Variants in MXI1 observed in about 807,000 individuals in gnomAD.
MXI1 encodes max-interacting protein 1.
In MXI1, 18 loss-of-function variants were observed where a neutral mutation model predicts 36.9. The ratio of observed to expected loss-of-function variants is 0.49; its 90% CI spans 0.34 to 0.72. The LOEUF is 0.72. Among genes scored for constraint, MXI1 ranks in the 30% least tolerant of loss-of-function variants. The pLI, the probability that MXI1 is intolerant of heterozygous loss-of-function variation, is 0.01. For synonymous variants in MXI1, 160 were observed against 146.7 expected (o/e 1.09, Z -0.65); for missense variants, 304 against 379.1 (o/e 0.80, Z 1.64).
intron 2 of MXI1, among the ~76,000 whole-genome samples, chr10:110,236,264 C>T (rs752636107): frequency 1.3e-4 from 19 of 147,072 alleles, no homozygotes; most frequent in African/African-American, 4.3e-4. Context: ...TGACCACAGA[C>T]TTGTGAGCCT....
intron 3 of MXI1, among the ~76,000 whole-genome samples, chr10:110,264,281 A>G (rs1180889925): frequency 1.3e-5 from 2 of 151,990 alleles, no homozygotes; most frequent in Non-Finnish European, 2.9e-5. Context: ...TTCCTGCTGT[A>G]TTGGGCATTG....
intron 1 of MXI1, chr10:110,227,868 T>G (rs1855116010): frequency 3.2e-6 from 1 of 312,134 alleles, no homozygotes; most frequent in Non-Finnish European, 6.1e-6. Context: ...GCAAGCGAAG[T>G]CAATGAGGTG....
chr10:110,227,312 G>A (rs1239491276), intron 1 of MXI1: 3 of 975,558 alleles, frequency 3.1e-6, no homozygotes, highest in East Asian at 2.4e-4. Context: ...GGGCGGGTGC[G>A]GGGAGGGGCG....
intron 3 of MXI1, among the ~76,000 whole-genome samples, chr10:110,246,847 A>G (rs1270225797): frequency 6.6e-6 from 1 of 152,184 alleles, no homozygotes; most frequent in Non-Finnish European, 1.5e-5. Flanking sequence ...TGGATGGATA[A>G]AGGAAGGACA....
intron 1 of MXI1, chr10:110,227,236 G>A (rs1855073050): frequency 1.4e-6 from 1 of 692,242 alleles, no homozygotes; most frequent in Non-Finnish European, 1.7e-6. Context: ...GAGGGATGGT[G>A]CGCGGGGGGG....
intron 3 of MXI1, among the ~76,000 whole-genome samples, chr10:110,272,619 C>A (rs918067055): frequency 4.6e-5 from 7 of 151,872 alleles, no homozygotes; most frequent in African/African-American, 7.2e-5. Context: ...GCATCTCAAC[C>A]ATTTTAATTC....
intron 3 of MXI1, among the ~76,000 whole-genome samples, chr10:110,266,398 G>A (rs891999551): frequency 3.3e-5 from 5 of 152,100 alleles, no homozygotes; most frequent in South Asian, 4.1e-4. Context: ...GTGAGCCACC[G>A]TGCCTGGCCT....
chr10:110,213,218 T>G (rs1026867196), intron 1 of MXI1, among the ~76,000 whole-genome samples: 2 of 152,120 alleles, frequency 1.3e-5, no homozygotes, highest in African/African-American at 2.4e-5. Flanking sequence ...GAGAAACAAA[T>G]AAGAAAGAAG....
At chr10:110,210,036 AC>A (rs1394620443) in intron 1 of MXI1, among the ~76,000 whole-genome samples, 1 of 9,188 alleles carries the variant, frequency 1.1e-4, no homozygotes, top group Non-Finnish European at 2.3e-4. Flanking sequence ...CCCCTGCCCC[AC>A]CCCCCACCCC....
chr10:110,226,271 C>A (rs375508637), intron 1 of MXI1: 42 of 1,497,104 alleles, frequency 2.8e-5, no homozygotes, highest in African/African-American at 1.4e-4. Flanking sequence ...GTTTTTGGAG[C>A]GCCGGGAGCG....
intron 1 of MXI1, among the ~76,000 whole-genome samples, chr10:110,219,871 T>G (rs1325541637): frequency 1.3e-5 from 2 of 152,256 alleles, no homozygotes; most frequent in African/African-American, 2.4e-5. Flanking sequence ...TCTGACCTAG[T>G]GTTTCTCAAC....
intron 1 of MXI1, among the ~76,000 whole-genome samples, chr10:110,210,747 C>G (rs1054394260): frequency 6.6e-6 from 1 of 152,224 alleles, no homozygotes; most frequent in African/African-American, 2.4e-5. Flanking sequence ...TGGCGGCGCT[C>G]GTCGTTGTTT....
chr10:110,258,917 G>A (rs1164956665), intron 3 of MXI1, among the ~76,000 whole-genome samples: 6 of 140,576 alleles, frequency 4.3e-5, no homozygotes, highest in East Asian at 3.9e-4. Context: ...AGGCTCATTC[G>A]GAGACAAAGA....
At chr10:110,260,416 G>T (rs1234113701) in intron 3 of MXI1, among the ~76,000 whole-genome samples, 2 of 144,664 alleles carry the variant, frequency 1.4e-5, no homozygotes, top group Non-Finnish European at 1.5e-5. Context: ...CCTTGATACA[G>T]GTGTGTGTGT....
At chr10:110,274,243 G>A (rs201771696) in intron 3 of MXI1, among the ~76,000 whole-genome samples, 2 of 152,120 alleles carry the variant, frequency 1.3e-5, no homozygotes, top group East Asian at 1.9e-4. Flanking sequence ...CAAGGGGCTT[G>A]CCCTTTTTGA....
chr10:110,231,903 C>T (rs1855278665), intron 2 of MXI1, among the ~76,000 whole-genome samples: 1 of 152,144 alleles, frequency 6.6e-6, no homozygotes, highest in Non-Finnish European at 1.5e-5. Context: ...TACTATCCTC[C>T]TAATCTCAGC....
intron 1 of MXI1, chr10:110,225,952 C>G (rs1347465367): frequency 3.3e-6 from 3 of 921,854 alleles, no homozygotes; most frequent in East Asian, 2.4e-4. Context: ...GGGGGCGGGC[C>G]CCGGCGCTGC....
At chr10:110,279,347 A>G (rs1314303968) in intron 4 of MXI1, 53 bp downstream of exon 4, 1 of 1,404,800 alleles carries the variant, frequency 7.1e-7, no homozygotes, top group Non-Finnish European at 1.0e-6. Context: ...TGGTTTAATT[A>G]TTGGCACTGA....
intron 3 of MXI1, among the ~76,000 whole-genome samples, chr10:110,260,053 A>G (rs377498403): frequency 0.016 from 2,310 of 146,054 alleles, 49 homozygotes; most frequent in African/African-American, 0.054. Context: ...CAATGGAGAA[A>G]GATAGGTTTT....
Sources: gnomAD v4.1 joint callset for allele counts (sites outside exome capture counted in the v4.1 genomes callset) on GRCh38, gnomAD v4.1.1 for gene constraint, MANE v1.5 for transcripts, NCBI Gene and HGNC (gene_info 2026-07-23, HGNC 2026-07-21) for gene names.